The following COL4A2 variants were observed in gnomAD, a reference collection of about 807,000 sequenced individuals.
COL4A2 encodes the protein collagen alpha-2(IV) chain.
COL4A2 carries 99 observed loss-of-function variants against 200.2 expected under a neutral mutation model. That is an observed-to-expected ratio of 0.49 (90% CI 0.42 to 0.58). The LOEUF (loss-of-function observed/expected upper bound fraction) is 0.58, where lower values mean the gene tolerates loss of function less well. Among genes scored for constraint, COL4A2 ranks in the 20% least tolerant of loss-of-function variants. The pLI is 0.00. For synonymous variants in COL4A2, 897 were observed against 900.6 expected (o/e 1.00, Z 0.07); for missense variants, 1,950 against 2,314.1 (o/e 0.84, Z 3.23).
At chr13:110,316,250 A>C (rs1885126163) in intron 3 of COL4A2, among the ~76,000 whole-genome samples, 1 of 152,114 alleles carries the variant, frequency 6.6e-6, no homozygotes. Context: ...GTGTTTTTGG[A>C]TCCCTGACTG....
At chr13:110,326,345 C>T (rs1885411820) in intron 3 of COL4A2, among the ~76,000 whole-genome samples, 1 of 152,128 alleles carries the variant, frequency 6.6e-6, no homozygotes, top group South Asian at 2.1e-4. Context: ...GAATAAACAC[C>T]CAAAAGGTGC....
intron 4 of COL4A2, among the ~76,000 whole-genome samples, chr13:110,415,261 A>G (rs1422849834): frequency 6.6e-6 from 1 of 152,252 alleles, no homozygotes; most frequent in African/African-American, 2.4e-5. Context: ...CACCAAAAAA[A>G]GTGAATTTTA....
At chr13:110,314,867 C>T (rs1885091169) in intron 3 of COL4A2, among the ~76,000 whole-genome samples, 1 of 152,222 alleles carries the variant, frequency 6.6e-6, no homozygotes, top group Admixed American at 6.5e-5. Flanking sequence ...TGGCTGGTGG[C>T]TGGTGGAGGA....
chr13:110,425,124 A>G, intron 6 of COL4A2, 127 bp downstream of exon 6: 1 of 1,044,546 alleles, frequency 9.6e-7, no homozygotes, highest in Non-Finnish European at 1.4e-6. Context: ...CGTGGGGACT[A>G]TACGTGCGTA....
chr13:110,399,643 T>C (rs1879303991), intron 4 of COL4A2, among the ~76,000 whole-genome samples: 1 of 152,208 alleles, frequency 6.6e-6, no homozygotes. Context: ...TTTTGTGAAA[T>C]ATATGAAAAT....
At chr13:110,337,417 C>T (rs1288429008) in intron 3 of COL4A2, among the ~76,000 whole-genome samples, 3 of 152,334 alleles carry the variant, frequency 2.0e-5, no homozygotes, top group East Asian at 1.9e-4. Context: ...TCCCAGCAAG[C>T]GTTCCAGCGG....
intron 36 of COL4A2, among the ~76,000 whole-genome samples, chr13:110,490,533 A>G (rs1594105539): frequency 6.6e-6 from 1 of 152,300 alleles, no homozygotes; most frequent in Admixed American, 6.5e-5. Context: ...AGTTGAGCAC[A>G]GGATCAGAGA....
At chr13:110,426,723 T>G (rs543166930) in intron 6 of COL4A2, among the ~76,000 whole-genome samples, 45 of 152,274 alleles carry the variant, frequency 3.0e-4, no homozygotes, top group Non-Finnish European at 5.9e-4. Context: ...TTCAAATAGA[T>G]CAGTTCTAAG....
At chr13:110,309,062 A>G (rs2172724) in intron 3 of COL4A2, among the ~76,000 whole-genome samples, 41,166 of 152,098 alleles carry the variant, frequency 0.27, 6,125 homozygotes, top group South Asian at 0.33. Context: ...CTCAGCGCGC[A>G]CTGTGCCAGA....
chr13:110,438,710 G>A, intron 15 of COL4A2, 42 bp downstream of exon 15: 1 of 1,613,704 alleles, frequency 6.2e-7, no homozygotes, highest in Non-Finnish European at 8.5e-7. Context: ...GGTTTGGTTT[G>A]GTTTTTTTCA....
At chr13:110,353,815 T>G (rs928323229) in intron 3 of COL4A2, among the ~76,000 whole-genome samples, 2 of 152,130 alleles carry the variant, frequency 1.3e-5, no homozygotes, top group African/African-American at 4.8e-5. Context: ...GGCTGGCATG[T>G]CCATGGAAAC....
chr13:110,321,595 C>G (rs1039235499), intron 3 of COL4A2, among the ~76,000 whole-genome samples: 2 of 152,208 alleles, frequency 1.3e-5, no homozygotes, highest in East Asian at 1.9e-4. Flanking sequence ...CCTTTTGTGA[C>G]TGGCTTACTT....
At position 110,465,495 on chromosome 13, in the gene COL4A2, C is replaced by T. The variant is rs1293628509; in HGVS notation, c.1867C>T (p.Leu623=). 1.2e-5 allele frequency: 19 copies of T among 1,613,942 alleles called. No homozygotes were observed. The highest frequency in any genetic ancestry group is 1.4e-5 in the Non-Finnish European group (17 of 1,180,028). The part of the protein sequence containing the change: ...GTPGEMGPPG[L]GLPGLKGQRG... ...TCCAGGAGAAATGGGCCCCCCAGGA[C>T]TGGGCCTTCCCGGCCTCAAAGGCCA... Residue 623 remains leucine, a synonymous_variant, in exon 25 of 48, where the codon CTG becomes TTG. Transcript: ENST00000360467.
At chr13:110,490,195 G>A (rs1028132842) in intron 36 of COL4A2, among the ~76,000 whole-genome samples, 5 of 152,244 alleles carry the variant, frequency 3.3e-5, no homozygotes, top group African/African-American at 7.2e-5. Context: ...TCAGGCCATC[G>A]CTTGAGAGAG....
chr13:110,501,693 A>G lies in COL4A2; in HGVS notation c.3786A>G (p.Pro1262=), dbSNP rs377423382. 7 of 1,613,806 alleles carry G rather than the reference A, an allele frequency of 4.3e-6. No individual in the cohort carries two copies. The African/African-American group carries it at 9.3e-5, about 22-fold the overall frequency. ...GGGAACGAGGCCCACCTGGGAGCCC[A>G]GGACTTCAGGGGTTCCCTGGTATCA... The part of the protein sequence containing the change: ...APGERGPPGS[P]GLQGFPGITP... The change falls in exon 41 of 48, where the codon CCA becomes CCG. Residue 1262 remains proline, a synonymous_variant. Coordinates refer to ENST00000360467, the MANE Select transcript of COL4A2 (RefSeq NM_001846.4).
rs576369967 is a variant in COL4A2 at position 110,483,613 on chromosome 13, A to G, written c.2902+954A>G. Reference sequence around the variant, plus strand: ...CGCGTGGGCGAGCCTTGAGAACACTATGCCACGTGTCGTCTGACTGCATGT... The same window carrying G: ...CGCGTGGGCGAGCCTTGAGAACACTGTGCCACGTGTCGTCTGACTGCATGT... On this transcript the variant is annotated intron_variant, in intron 32 of 47. Transcript: ENST00000360467. Among the ~76,000 whole-genome samples, 8 of 152,370 alleles carry G rather than the reference A, an allele frequency of 5.3e-5. No individual in the cohort carries two copies. In the East Asian group the frequency reaches 7.7e-4, roughly 15 times the overall value.
chr13:110,364,094 A>G (rs1047793408), intron 4 of COL4A2, among the ~76,000 whole-genome samples: 2 of 152,260 alleles, frequency 1.3e-5, no homozygotes, highest in Non-Finnish European at 2.9e-5. Flanking sequence ...CAATTTTTCC[A>G]GACAGATACT....
intron 27 of COL4A2, among the ~76,000 whole-genome samples, chr13:110,468,691 G>C (rs992424481): frequency 6.6e-6 from 1 of 152,162 alleles, no homozygotes; most frequent in South Asian, 2.1e-4. Flanking sequence ...CCAGGAACGG[G>C]GATAAAAAAG....
At chr13:110,354,280 C>T (rs79888022) in intron 3 of COL4A2, among the ~76,000 whole-genome samples, 5,423 of 152,322 alleles carry the variant, frequency 0.036, 290 homozygotes, top group African/African-American at 0.12. Context: ...CCTGTTCATG[C>T]CTCCCTCACG....
Sources: allele counts gnomAD v4.1 joint callset (sites outside exome capture counted in the v4.1 genomes callset), GRCh38; gene constraint gnomAD v4.1.1; transcripts MANE v1.5; gene names NCBI Gene and HGNC (gene_info 2026-07-23, HGNC 2026-07-21).